MDN1: variants seen among roughly 807,000 people sequenced by gnomAD.
MDN1 encodes the protein midasin.
Under a neutral mutation model 669.2 loss-of-function variants are expected in MDN1, and 266 were observed. The ratio of observed to expected loss-of-function variants is 0.40; its 90% CI spans 0.36 to 0.44. The LOEUF (loss-of-function observed/expected upper bound fraction) is 0.44, where lower values mean the gene tolerates loss of function less well. Among genes scored for constraint, MDN1 ranks in the 20% least tolerant of loss-of-function variants. MDN1 has a pLI of 1.00. For missense variants in MDN1, 5,940 were observed against 6,754.0 expected (o/e 0.88, Z 4.22); for synonymous variants, 2,385 against 2,457.1 (o/e 0.97, Z 0.87).
chr6:89,642,622 T>C lies in MDN1; in HGVS notation c.*1383A>G, dbSNP rs1808236963. On this transcript the variant is annotated 3_prime_UTR_variant, in exon 102 of 102. Coordinates refer to ENST00000369393, the MANE Select transcript of MDN1 (RefSeq NM_014611.3). The stretch of plus-strand genomic sequence containing the variant: ...CTACCATGGACATAAATGCAAATGA[T>C]AACCTTTGTAGTAAGAGCAACATGG... 6.6e-6 allele frequency: 1 copy of C among 152,208 alleles called. No individual in the cohort carries two copies. The highest frequency in any genetic ancestry group is 2.1e-4 in the South Asian group (1 of 4,830). 9.4% of individuals were successfully genotyped at this position (152,208 alleles called of 1,614,324 possible).
At chr6:89,774,486 C>A in intron 13 of MDN1, 135 bp downstream of exon 13, 1 of 592,586 alleles carries the variant, frequency 1.7e-6, no homozygotes, top group Non-Finnish European at 3.0e-6. Flanking sequence ...GAAAACACTG[C>A]TCCTTCCCAT....
chr6:89,726,814 A>G (rs760698233), intron 37 of MDN1, among the ~76,000 whole-genome samples: 2 of 152,214 alleles, frequency 1.3e-5, no homozygotes, highest in African/African-American at 4.8e-5. Context: ...ATTAAAATGC[A>G]AACAGGCAAA....
intron 88 of MDN1, 23 bp downstream of exon 88, chr6:89,661,408 C>T (rs1017147497): frequency 1.0e-5 from 16 of 1,606,040 alleles, no homozygotes; most frequent in Non-Finnish European, 1.4e-5. Context: ...TCTAACCGGT[C>T]TCTTTGTTTC....
At chr6:89,701,875 G>C (rs1290123713) in intron 54 of MDN1, 29 bp downstream of exon 54, 18 of 1,588,388 alleles carry the variant, frequency 1.1e-5, no homozygotes, top group Non-Finnish European at 1.5e-5. Context: ...TGTAATCATT[G>C]ACATTATTAC....
intron 15 of MDN1, among the ~76,000 whole-genome samples, chr6:89,770,953 T>G (rs1476989018): frequency 6.6e-6 from 1 of 152,162 alleles, no homozygotes; most frequent in Non-Finnish European, 1.5e-5. Flanking sequence ...TACACACCCA[T>G]GAGCTCCTCA....
intron 14 of MDN1, 23 bp from the exon 15 acceptor site, chr6:89,771,644 G>A (rs1186579147): frequency 1.2e-6 from 2 of 1,601,512 alleles, no homozygotes; most frequent in South Asian, 2.2e-5. Context: ...AAGTGCAAAA[G>A]TGTTACTCCA....
intron 5 of MDN1, among the ~76,000 whole-genome samples, chr6:89,792,896 G>A (rs889946626): frequency 1.3e-5 from 2 of 152,102 alleles, no homozygotes; most frequent in Non-Finnish European, 2.9e-5. Context: ...GCAGGCACCT[G>A]TAATCCCAGC....
intron 94 of MDN1, among the ~76,000 whole-genome samples, 190 bp from the exon 95 acceptor site, chr6:89,652,471 GA>G (rs1318922818): frequency 6.6e-6 from 1 of 152,138 alleles, no homozygotes; most frequent in African/African-American, 2.4e-5. Flanking sequence ...TTCCCTCTTA[GA>G]GAGACAATAT....
At chr6:89,758,059 A>T (rs1043118740) in intron 19 of MDN1, among the ~76,000 whole-genome samples, 196 bp downstream of exon 19, 2 of 151,550 alleles carry the variant, frequency 1.3e-5, no homozygotes, top group Admixed American at 6.6e-5. Flanking sequence ...GAAAAAAAAT[A>T]AAAAAATAGC....
intron 53 of MDN1, 82 bp downstream of exon 53, chr6:89,705,977 A>G (rs538696649): frequency 7.8e-7 from 1 of 1,279,064 alleles, no homozygotes; most frequent in African/African-American, 1.5e-5. Context: ...ACAACACTAA[A>G]GTTAGTCTTA....
At position 89,708,624 on chromosome 6, in the gene MDN1, T is replaced by A; in HGVS notation, c.7770A>T (p.Glu2590Asp). 6.2e-7 allele frequency: 1 copy of A among 1,612,938 alleles called. No individual in the cohort carries two copies. The highest frequency in any genetic ancestry group is 1.1e-5 in the South Asian group (1 of 90,654). The change falls in exon 51 of 102, where the codon GAA becomes GAT. Residue 2590 changes from glutamate (E) to aspartate (D), a missense_variant. Around this residue, in one of 5 missense-constraint regions of MDN1, gnomAD observed 2,292 missense variants for 2,638.3 expected, o/e 0.87. Coordinates refer to ENST00000369393, the MANE Select transcript of MDN1 (RefSeq NM_014611.3). Reference protein sequence around the residue: ...FKILQPNTTDEFVIPLDPRWN... With the variant: ...FKILQPNTTDDFVIPLDPRWN... ...ATCGGGGATCCAGAGGGATCACAAA[T>A]TCATCTAGTTTAAAAACAGAACAAA... is the stretch of plus-strand genomic sequence containing the variant.
intron 27 of MDN1, among the ~76,000 whole-genome samples, chr6:89,746,395 C>T (rs1816614097): frequency 6.6e-6 from 1 of 151,686 alleles, no homozygotes; most frequent in South Asian, 2.1e-4. Context: ...CCAGCCTGGC[C>T]AACATGGGAA....
rs1452418220 is a variant in MDN1, at chr6:89,672,188, A to T, written c.13794+12T>A. ...CTGAAGAGGAAGAAGTTTGTAAAGA[A>T]CAGTTAGTTACCAGGTGCTTTGCTG... On this transcript the variant is annotated intron_variant, in intron 82 of 101. Transcript: ENST00000369393. 22 of 1,565,564 alleles carry T rather than the reference A, an allele frequency of 1.4e-5. No homozygotes were observed. In the East Asian group the frequency reaches 5.0e-4, roughly 36 times the overall value.
At position 89,743,243 on chromosome 6, in the gene MDN1, T is replaced by C; in HGVS notation, c.4355A>G (p.Asp1452Gly). ...CTTCATGGCCTGAACCAGAGGCCCATCATGCCACTCAAAGAGTCTTGATGT... is the reference window on the plus strand; with the variant it reads ...CTTCATGGCCTGAACCAGAGGCCCACCATGCCACTCAAAGAGTCTTGATGT... ...IDTSRLFEWH[D>G]GPLVQAMKED... The change falls in exon 31 of 102, where the codon GAT becomes GGT. Residue 1452 changes from aspartate to glycine, a missense_variant. Coordinates refer to ENST00000369393, the MANE Select transcript of MDN1 (RefSeq NM_014611.3). 1 of 1,614,146 alleles carries C rather than the reference T, an allele frequency of 6.2e-7. No homozygotes were observed. Among genetic ancestry groups the C allele is most frequent in the Non-Finnish European group, 8.5e-7 (1 of 1,179,982 alleles).
chr6:89,787,678 T>C (rs988718837), intron 8 of MDN1, among the ~76,000 whole-genome samples, 176 bp downstream of exon 8: 1 of 152,164 alleles, frequency 6.6e-6, no homozygotes, highest in African/African-American at 2.4e-5. Context: ...ACCTCTTATT[T>C]TATAAATTAT....
chr6:89,650,417 C>G (rs1808770381), intron 96 of MDN1, among the ~76,000 whole-genome samples: 1 of 152,130 alleles, frequency 6.6e-6, no homozygotes, highest in Admixed American at 6.5e-5. Flanking sequence ...TCCTTCCAGA[C>G]ACATTTTTAA....
intron 97 of MDN1, among the ~76,000 whole-genome samples, chr6:89,649,125 A>G (rs1218281899): frequency 2.0e-5 from 3 of 152,214 alleles, no homozygotes; most frequent in Non-Finnish European, 4.4e-5. Flanking sequence ...AAATCCATTC[A>G]TATATATGTA....
At chr6:89,744,485 C>G (rs907378630) in intron 29 of MDN1, among the ~76,000 whole-genome samples, 1 of 151,580 alleles carries the variant, frequency 6.6e-6, no homozygotes, top group Non-Finnish European at 1.5e-5. Flanking sequence ...TCAGTGCAAT[C>G]TCTGCCTCCC....
rs1231916767 is a variant in MDN1 at position 89,680,591 on chromosome 6, G to A, written c.12263C>T (p.Thr4088Ile). 6.2e-7 allele frequency: 1 copy of A among 1,613,930 alleles called. No individual in the cohort carries two copies. Among genetic ancestry groups the A allele is most frequent in the Non-Finnish European group, 8.5e-7 (1 of 1,179,972 alleles). Reference sequence around the variant, plus strand: ...TTGACTTGGATGCTGGCACCCACCTGTGAACTGATCAAGGCCCTCCACAAG... The same window carrying A: ...TTGACTTGGATGCTGGCACCCACCTATGAACTGATCAAGGCCCTCCACAAG... ...PRLVEGLDQF[T>I]GEVISSVSEL... The change falls in exon 74 of 102, where the codon ACA becomes ATA. Residue 4088 changes from threonine (T) to isoleucine (I), a missense_variant and splice_region_variant. Physicochemically the swap from Thr to Ile is moderately conservative, Grantham distance 89 (BLOSUM62 -1). This residue lies in a region of MDN1 where 2,280 missense variants were observed against 2,576.3 expected (regional missense o/e 0.88). Transcript: ENST00000369393.
Sources: allele counts gnomAD v4.1 joint callset (sites outside exome capture counted in the v4.1 genomes callset), GRCh38; gene constraint gnomAD v4.1.1; regional missense constraint gnomAD v4.1.1; transcripts MANE v1.5; gene names NCBI Gene and HGNC (gene_info 2026-07-23, HGNC 2026-07-21).